ERG: variants seen among roughly 807,000 people sequenced by gnomAD.
The protein encoded by ERG is transcriptional regulator ERG.
In ERG, 9 loss-of-function variants were observed where a neutral mutation model predicts 55.3. The observed-to-expected ratio is 0.16, with a 90% CI of 0.10 to 0.28. The LOEUF is 0.28. ERG is among the 10% of genes least tolerant of loss of function. The probability of loss-of-function intolerance (pLI) is 1.00; values close to 1 mark genes in which losing one functional copy is unlikely to be tolerated. For synonymous variants in ERG, 223 were observed against 237.3 expected (o/e 0.94, Z 0.55); for missense variants, 434 against 631.6 (o/e 0.69, Z 3.35).
intron 2 of ERG, among the ~76,000 whole-genome samples, chr21:38,554,053 CAT>C (rs2059842507): frequency 6.6e-6 from 1 of 151,894 alleles, no homozygotes; most frequent in Admixed American, 6.6e-5. Context: ...CAAAAGAAGA[CAT>C]GTGTGACCAA....
intron 2 of ERG, among the ~76,000 whole-genome samples, chr21:38,538,008 G>A (rs942632480): frequency 1.3e-5 from 2 of 152,132 alleles, no homozygotes; most frequent in Admixed American, 1.3e-4. Context: ...TAACACAGAT[G>A]GACCTTTGGA....
At chr21:38,600,340 G>A (rs573799294) in intron 1 of ERG, among the ~76,000 whole-genome samples, 84 of 152,326 alleles carry the variant, frequency 5.5e-4, no homozygotes, top group South Asian at 1.0e-3. Context: ...CCAGCTCTAC[G>A]TAGATTTCTG....
chr21:38,646,795 G>A (rs1164110742), intron 1 of ERG, among the ~76,000 whole-genome samples: 1 of 152,044 alleles, frequency 6.6e-6, no homozygotes, highest in Non-Finnish European at 1.5e-5. Flanking sequence ...CTTTGTTGTT[G>A]TTGTTTGTTT....
At chr21:38,658,215 C>A (rs566585029) in intron 1 of ERG, among the ~76,000 whole-genome samples, 12 of 152,332 alleles carry the variant, frequency 7.9e-5, no homozygotes, top group South Asian at 2.1e-4. Flanking sequence ...AAGAGACCTG[C>A]ATTCAGAGAG....
chr21:38,443,425 T>C (rs889243334), intron 2 of ERG, among the ~76,000 whole-genome samples: 4 of 152,218 alleles, frequency 2.6e-5, no homozygotes, highest in Non-Finnish European at 5.9e-5. Flanking sequence ...TTTAGAAATG[T>C]GTCCCGGTCT....
chr21:38,635,889 G>T (rs1229439651), intron 1 of ERG, among the ~76,000 whole-genome samples: 1 of 152,162 alleles, frequency 6.6e-6, no homozygotes, highest in African/African-American at 2.4e-5. Flanking sequence ...GCAATCACTA[G>T]TTCCACAATT....
At chr21:38,655,515 T>C (rs1007103107) in intron 1 of ERG, among the ~76,000 whole-genome samples, 8 of 152,192 alleles carry the variant, frequency 5.3e-5, no homozygotes, top group Non-Finnish European at 1.2e-4. Flanking sequence ...TGCTAGGAGA[T>C]TCACCTGCTA....
chr21:38,462,699 TGA>T (rs1310503977), intron 1 of ERG, among the ~76,000 whole-genome samples: 1 of 152,214 alleles, frequency 6.6e-6, no homozygotes, highest in African/African-American at 2.4e-5. Flanking sequence ...CTTAAAAAAC[TGA>T]GAGTCGGGGG....
At chr21:38,642,142 G>A (rs2060428959) in intron 1 of ERG, among the ~76,000 whole-genome samples, 1 of 152,216 alleles carries the variant, frequency 6.6e-6, no homozygotes, top group Non-Finnish European at 1.5e-5. Flanking sequence ...ATGAACATGG[G>A]CAGATACTTC....
chr21:38,503,003 G>A (rs2059432422), upstream of ERG, among the ~76,000 whole-genome samples: 1 of 152,098 alleles, frequency 6.6e-6, no homozygotes, highest in Non-Finnish European at 1.5e-5. Flanking sequence ...GGGATTACAG[G>A]CGTGAGCCAC....
intron 2 of ERG, among the ~76,000 whole-genome samples, chr21:38,567,135 C>CA (rs1449922832): frequency 1.3e-5 from 2 of 152,144 alleles, no homozygotes; most frequent in African/African-American, 4.8e-5. Flanking sequence ...CCCTGCTGCA[C>CA]ACATGCTGAA....
intron 1 of ERG, among the ~76,000 whole-genome samples, chr21:38,653,144 C>T (rs2060498310): frequency 6.6e-6 from 1 of 152,184 alleles, no homozygotes; most frequent in Non-Finnish European, 1.5e-5. Flanking sequence ...TCTTGCTCAC[C>T]TCCCTTTCTA....
At chr21:38,651,820 C>T (rs1468123375) in intron 1 of ERG, among the ~76,000 whole-genome samples, 1 of 152,166 alleles carries the variant, frequency 6.6e-6, no homozygotes. Context: ...ATCTCAGCAT[C>T]CGCCTGCCTG....
chr21:38,414,430 A>G (rs923847660), intron 3 of ERG, among the ~76,000 whole-genome samples: 3 of 152,200 alleles, frequency 2.0e-5, no homozygotes, highest in African/African-American at 7.2e-5. Flanking sequence ...TTTAACCTGT[A>G]ACAGGCAGCT....
At chr21:38,636,221 C>A (rs2060387661) in intron 1 of ERG, among the ~76,000 whole-genome samples, 1 of 152,212 alleles carries the variant, frequency 6.6e-6, no homozygotes, top group South Asian at 2.1e-4. Context: ...GCCTCCCCAG[C>A]CATGTTGGAA....
chr21:38,391,111 TA>T, intron 8 of ERG, 69 bp from the exon 9 acceptor site: 1 of 1,292,134 alleles, frequency 7.7e-7, no homozygotes, highest in East Asian at 2.3e-5. Context: ...ACTTCAGACA[TA>T]ATGCCTGACT....
At chr21:38,654,349 G>T (rs2060505989) in intron 1 of ERG, among the ~76,000 whole-genome samples, 2 of 152,222 alleles carry the variant, frequency 1.3e-5, no homozygotes, top group Admixed American at 1.3e-4. Flanking sequence ...GCAGGTGCCT[G>T]TAATCCCAGC....
intron 2 of ERG, among the ~76,000 whole-genome samples, chr21:38,535,811 G>C (rs533138352): frequency 1.3e-5 from 2 of 152,176 alleles, no homozygotes; most frequent in African/African-American, 4.8e-5. Flanking sequence ...TAACGTGCTT[G>C]ATTATCATAC....
intron 1 of ERG, among the ~76,000 whole-genome samples, chr21:38,635,244 G>A (rs1294193152): frequency 6.6e-6 from 1 of 152,056 alleles, no homozygotes; most frequent in Admixed American, 6.5e-5. Context: ...GACCCATACT[G>A]AATCCTTTCT....
Sources: allele counts gnomAD v4.1 joint callset (sites outside exome capture counted in the v4.1 genomes callset), GRCh38; gene constraint gnomAD v4.1.1; transcripts MANE v1.5; gene names NCBI Gene and HGNC (gene_info 2026-07-23, HGNC 2026-07-21).